WDFY4: variants seen among roughly 807,000 people sequenced by gnomAD.
The protein encoded by WDFY4 is WDFY family member 4.
Under a neutral mutation model 351.9 loss-of-function variants are expected in WDFY4, and 169 were observed. The ratio of observed to expected loss-of-function variants is 0.48; its 90% CI spans 0.42 to 0.55. WDFY4 has a LOEUF of 0.55. WDFY4 is among the 20% of genes least tolerant of loss of function. The pLI, the probability that WDFY4 is intolerant of heterozygous loss-of-function variation, is 0.00. For synonymous variants in WDFY4, 1,622 were observed against 1,574.6 expected, an observed-to-expected ratio of 1.03 and a Z score of -0.71; for missense variants, 3,803 against 3,935.6, an observed-to-expected ratio of 0.97 and a Z score of 0.90.
At chr10:48,767,855 G>A (rs141202423) in intron 13 of WDFY4, among the ~76,000 whole-genome samples, 17 of 152,206 alleles carry the variant, frequency 1.1e-4, no homozygotes, top group African/African-American at 3.6e-4. Flanking sequence ...TGAGCTTAGC[G>A]TCCAGCTGGG....
chr10:48,873,239 T>C (rs1459583717), intron 40 of WDFY4, among the ~76,000 whole-genome samples: 1 of 152,258 alleles, frequency 6.6e-6, no homozygotes, highest in Admixed American at 6.5e-5. Context: ...AGTAGCCTCA[T>C]GGCTCTGAAG....
chr10:48,914,029 G>A, intron 47 of WDFY4: 1 of 1,614,182 alleles, frequency 6.2e-7, no homozygotes, highest in Non-Finnish European at 8.5e-7. Flanking sequence ...ATACACTTGG[G>A]GAAGGTGGTA....
In WDFY4 at chr10:48,811,674, A is replaced by G. The variant is rs1185223695; in HGVS notation, c.5180A>G (p.Gln1727Arg). ...CTCATCGTCTCCACCTTCTTCCTGC[A>G]GACACCACTCACAGAGCTGATGGAC... ...VYLIVSTFFL[Q>R]TPLTELMDGP... The change falls in exon 30 of 62, where the codon CAG becomes CGG. Residue 1727 changes from glutamine (Q) to arginine (R), a missense_variant. By Grantham distance (43) the Gln-to-Arg change is conservative. Around this residue, in one of 3 missense-constraint regions of WDFY4, gnomAD observed 3,054 missense variants for 3,148.6 expected, o/e 0.97. Coordinates refer to ENST00000325239, the MANE Select transcript of WDFY4 (RefSeq NM_001394531.1). 1 of 1,551,782 alleles carries G rather than the reference A, an allele frequency of 6.4e-7. No homozygotes were observed.
At chr10:48,877,010 C>A in intron 42 of WDFY4, 23 bp from the exon 43 acceptor site, 2 of 1,452,530 alleles carry the variant, frequency 1.4e-6, no homozygotes. Context: ...GTCAACACCA[C>A]GTGTCCCTTT....
chr10:48,727,508 A>G lies in WDFY4; in HGVS notation c.820A>G (p.Arg274Gly), dbSNP rs377218714. Residue 274 changes from arginine to glycine, a missense_variant, in exon 7 of 62, where the codon AGG (arginine) becomes GGG (glycine). Physicochemically the swap from Arg to Gly is moderately radical, Grantham distance 125. Coordinates refer to ENST00000325239, the MANE Select transcript of WDFY4 (RefSeq NM_001394531.1). ...CVRLSLQNLS[R>G]LTDTLPAPEV... ...CAGGCTCTCCCTCCAGAACCTCTCCAGGCTCACGGACACTCTCCCTGCCCC... is the reference window on the plus strand; with the variant it reads ...CAGGCTCTCCCTCCAGAACCTCTCCGGGCTCACGGACACTCTCCCTGCCCC... 5.2e-6 allele frequency: 8 copies of G among 1,551,562 alleles called. No individual in the cohort carries two copies. The African/African-American group carries it at 9.6e-5, about 19-fold the overall frequency.
rs539357535 is a variant in WDFY4, at chr10:48,694,767, C to A, written c.-18+9766C>A. On this transcript the variant is annotated intron_variant, in intron 1 of 61. Coordinates refer to ENST00000325239, the MANE Select transcript of WDFY4 (RefSeq NM_001394531.1). ...GTGCCATTTGCCAGACACTCACTCA[C>A]GCTGCCCGGGGTGCCTGTCCACTTA... is the stretch of plus-strand genomic sequence containing the variant. 2.0e-5 allele frequency among the ~76,000 whole-genome samples: 3 copies of A among 152,286 alleles called. No homozygotes were observed. In the East Asian group the frequency reaches 5.8e-4, roughly 29 times the overall value.
chr10:48,893,392 G>A (rs751891253), intron 44 of WDFY4, among the ~76,000 whole-genome samples: 1 of 152,118 alleles, frequency 6.6e-6, no homozygotes, highest in African/African-American at 2.4e-5. Flanking sequence ...TGGGGGACAC[G>A]GTTCTACCCA....
intron 44 of WDFY4, 88 bp downstream of exon 44, chr10:48,890,815 T>C: frequency 6.6e-7 from 1 of 1,512,346 alleles, no homozygotes; most frequent in Non-Finnish European, 8.9e-7. Flanking sequence ...CTCACCTTGT[T>C]CTTACAGTGG....
At chr10:48,890,414 G>A (rs913036486) in intron 43 of WDFY4, among the ~76,000 whole-genome samples, 165 bp from the exon 44 acceptor site, 2 of 152,154 alleles carry the variant, frequency 1.3e-5, no homozygotes, top group Non-Finnish European at 2.9e-5. Context: ...CACATAGGCT[G>A]TGAAGAGCAG....
chr10:48,904,680 C>T (rs752616441), intron 47 of WDFY4, among the ~76,000 whole-genome samples: 1 of 152,120 alleles, frequency 6.6e-6, no homozygotes, highest in Non-Finnish European at 1.5e-5. Context: ...CACCACACAC[C>T]GTACATGCTC....
intron 39 of WDFY4, among the ~76,000 whole-genome samples, chr10:48,843,741 G>T (rs1171308310): frequency 6.6e-6 from 1 of 152,132 alleles, no homozygotes; most frequent in Non-Finnish European, 1.5e-5. Flanking sequence ...AGATATATTG[G>T]ACTTCCCAAT....
chr10:48,691,796 G>A (rs1318970888), intron 1 of WDFY4, among the ~76,000 whole-genome samples: 1 of 152,236 alleles, frequency 6.6e-6, no homozygotes, highest in Non-Finnish European at 1.5e-5. Flanking sequence ...TAAAGAAATT[G>A]TGTGGAGGAT....
chr10:48,977,229 C>A, intron 59 of WDFY4: 1 of 305,236 alleles, frequency 3.3e-6, no homozygotes, highest in East Asian at 5.2e-5. Flanking sequence ...AAAATAAATA[C>A]TGTTACAACA....
intron 11 of WDFY4, among the ~76,000 whole-genome samples, chr10:48,737,384 T>G (rs1241182551): frequency 6.6e-6 from 1 of 152,238 alleles, no homozygotes. Context: ...TTGCTCTGAT[T>G]TCCAAAATTA....
chr10:48,941,774 T>G (rs1164667754), intron 47 of WDFY4, 32 bp from the exon 48 acceptor site: 11 of 1,550,986 alleles, frequency 7.1e-6, no homozygotes, highest in Non-Finnish European at 9.6e-6. Context: ...CCTTGGTATA[T>G]TTAGTCACCA....
intron 39 of WDFY4, among the ~76,000 whole-genome samples, chr10:48,835,207 T>C (rs1167044914): frequency 6.6e-6 from 1 of 152,002 alleles, no homozygotes; most frequent in Non-Finnish European, 1.5e-5. Flanking sequence ...AATAAGCAAA[T>C]ACAGTTGTAA....
Position 48,974,527 on chromosome 10 carries a change from A to AAAAAAAAAAAAAAAAACAAC in WDFY4, c.8929-333_8929-332insAAAAAAAAAAAAAACAACAA. On this transcript the variant is annotated intron_variant, in intron 57 of 61. Transcript: ENST00000325239. ...CAAAAAAAAAAAAAAAAAAAAAAAA[A>AAAAAAAAAAAAAAAAACAAC]AACAACTCATGACATGAACTGCTCC... 1.1e-3 allele frequency among the ~76,000 whole-genome samples: 25 copies of AAAAAAAAAAAAAAAAACAAC among 23,190 alleles called. 2 individuals are homozygous for AAAAAAAAAAAAAAAAACAAC. The highest frequency in any genetic ancestry group is 1.8e-3 in the African/African-American group (25 of 13,802). 15.2% of individuals were successfully genotyped at this position (23,190 alleles called of 152,430 possible).
chr10:48,860,504 G>T lies in WDFY4; in HGVS notation c.6664-6761G>T, dbSNP rs183985537. Among the ~76,000 whole-genome samples the T allele has an allele frequency of 3.3e-5, 5 of 152,270 alleles. No individual in the cohort carries two copies. The East Asian group carries it at 9.6e-4, about 29-fold the overall frequency. Reference sequence around the variant, plus strand: ...TTATGAGGACACTAATACCATAATGGGGGTCTACCCCATGGCAGCATCAAA... The same window carrying T: ...TTATGAGGACACTAATACCATAATGTGGGTCTACCCCATGGCAGCATCAAA... On this transcript the variant is annotated intron_variant, in intron 39 of 61. Coordinates refer to ENST00000325239, the MANE Select transcript of WDFY4 (RefSeq NM_001394531.1).
At chr10:48,859,709 G>A (rs1217890681) in intron 39 of WDFY4, among the ~76,000 whole-genome samples, 2 of 152,142 alleles carry the variant, frequency 1.3e-5, no homozygotes. Flanking sequence ...GCTATTGTTA[G>A]CCTCATAAAA....
Sources: allele counts gnomAD v4.1 joint callset (sites outside exome capture counted in the v4.1 genomes callset), GRCh38; gene constraint gnomAD v4.1.1; regional missense constraint gnomAD v4.1.1; transcripts MANE v1.5; gene names NCBI Gene and HGNC (gene_info 2026-07-23, HGNC 2026-07-21).